NADK: variants seen among roughly 807,000 people sequenced by gnomAD.
NADK encodes the protein NAD kinase, also known as poly(P)/ATP NAD kinase.
NADK carries 22 observed loss-of-function variants against 49.8 expected under a neutral mutation model. That is an observed-to-expected ratio of 0.44 (90% CI 0.32 to 0.63). NADK has a LOEUF of 0.63. NADK is among the 30% of genes least tolerant of loss of function. The pLI, the probability that NADK is intolerant of heterozygous loss-of-function variation, is 0.06. For synonymous variants in NADK, 268 were observed against 253.7 expected (o/e 1.06, Z -0.54); for missense variants, 438 against 609.4 (o/e 0.72, Z 2.96).
intron 3 of NADK, chr1:1,759,656 A>G: frequency 6.9e-7 from 1 of 1,452,030 alleles, no homozygotes; most frequent in Non-Finnish European, 9.3e-7. Context: ...TCCCAGAGAC[A>G]CAGAGCCCAG....
chr1:1,755,855 A>G (rs1645502563), intron 6 of NADK: 1 of 434,196 alleles, frequency 2.3e-6, no homozygotes, highest in Non-Finnish European at 4.2e-6. Context: ...GGTGTCACCA[A>G]CATGCAGTGG....
At position 1,752,811 on chromosome 1, in the gene NADK, G is replaced by C. The variant is rs914247926; in HGVS notation, c.*93C>G. ...ACAGAAAGGAAGTGGCCGTGCCACTGAGACAGGCGGTCACAGACACACGCA... is the reference window on the plus strand; with the variant it reads ...ACAGAAAGGAAGTGGCCGTGCCACTCAGACAGGCGGTCACAGACACACGCA... On this transcript the variant is annotated 3_prime_UTR_variant, in exon 12 of 12. Transcript: ENST00000341426. 4 of 1,450,884 alleles carry C rather than the reference G, an allele frequency of 2.8e-6. No individual in the cohort carries two copies. In the African/African-American group the frequency reaches 5.6e-5, roughly 20 times the overall value. 89.9% of individuals were successfully genotyped at this position (1,450,884 alleles called of 1,614,324 possible).
chr1:1,754,225 C>G lies in NADK; in HGVS notation c.944-17G>C, dbSNP rs762151787. The stretch of plus-strand genomic sequence containing the variant: ...CGATCACTCCTGACAGGGACAGGCG[C>G]AGGCGTCACTCCCGCCCGAGGGACG... On this transcript the variant is annotated splice_polypyrimidine_tract_variant and intron_variant, in intron 9 of 11. Transcript: ENST00000341426. This position sits in a 1 kb window ranked among gnomAD's most constrained non-coding sequence, Gnocchi z 4.3. 3.7e-6 allele frequency: 6 copies of G among 1,613,050 alleles called. No homozygotes were observed. Among genetic ancestry groups the G allele is most frequent in the Non-Finnish European group, 4.2e-6 (5 of 1,179,878 alleles).
intron 1 of NADK, among the ~76,000 whole-genome samples, chr1:1,771,106 A>AAAAAAAAT (rs1646039721): frequency 1.4e-5 from 2 of 147,896 alleles, no homozygotes; most frequent in Non-Finnish European, 3.0e-5. Flanking sequence ...TATTAAAAAT[A>AAAAAAAAT]TATATCTTAT....
chr1:1,765,566 C>T, intron 1 of NADK, 120 bp from the exon 2 acceptor site: 1 of 496,422 alleles, frequency 2.0e-6, no homozygotes, highest in Non-Finnish European at 3.4e-6. Context: ...GTCCAATTTA[C>T]CAAAGTACTT....
rs557636328 is a variant in NADK, at chr1:1,763,297, CA to C, written c.180-1263del. 8.5e-5 allele frequency among the ~76,000 whole-genome samples: 13 copies of C among 152,242 alleles called. No individual in the cohort carries two copies. The East Asian group carries it at 2.3e-3, about 27-fold the overall frequency. On this transcript the variant is annotated intron_variant, in intron 2 of 11. Coordinates refer to ENST00000341426, the MANE Select transcript of NADK (RefSeq NM_023018.5). ...AGGAGATTGAGACCATCCTGGCTAA[CA>C]CGGTGAAACCCTGTCTCTACACAAA...
chr1:1,769,986 CAAA>C (rs1645999938), intron 1 of NADK, among the ~76,000 whole-genome samples: 1 of 146,320 alleles, frequency 6.8e-6, no homozygotes, highest in African/African-American at 2.7e-5. Context: ...AAAACAAAAA[CAAA>C]AACAAAAACA....
rs575404290 is a variant in NADK at position 1,776,767 on chromosome 1, T to C, written c.-41+1522A>G. Among the ~76,000 whole-genome samples the C allele has an allele frequency of 2.3e-4, 25 of 109,950 alleles. No individual in the cohort carries two copies. The East Asian group carries it at 5.5e-3, about 24-fold the overall frequency. 72.1% of individuals were successfully genotyped at this position (109,950 alleles called of 152,430 possible). On this transcript the variant is annotated intron_variant, in intron 1 of 11. Coordinates refer to ENST00000341426, the MANE Select transcript of NADK (RefSeq NM_023018.5). The stretch of plus-strand genomic sequence containing the variant: ...CAGCCTGGGCAACAGAGCTAGACTC[T>C]GTCTTAAAAAAAAAAAAAAAAAAAA...
At chr1:1,757,009 G>A in intron 4 of NADK, 172 bp downstream of exon 4, 1 of 1,077,248 alleles carries the variant, frequency 9.3e-7, no homozygotes, top group Non-Finnish European at 1.4e-6. Context: ...TGCCATGGCG[G>A]CACACACAAA....
At chr1:1,757,007 C>T (rs1000515545) in intron 4 of NADK, 174 bp downstream of exon 4, 75 of 1,059,668 alleles carry the variant, frequency 7.1e-5, no homozygotes, top group African/African-American at 5.7e-4. Context: ...CTTGCCATGG[C>T]GGCACACACA....
At chr1:1,775,945 G>A (rs1646197652) in intron 1 of NADK, among the ~76,000 whole-genome samples, 4 of 152,178 alleles carry the variant, frequency 2.6e-5, no homozygotes, top group Admixed American at 2.6e-4. Flanking sequence ...AACGGCTGAA[G>A]CTGGGCGGTG....
intron 3 of NADK, chr1:1,758,258 C>T: frequency 8.3e-6 from 11 of 1,326,898 alleles, no homozygotes; most frequent in Non-Finnish European, 1.1e-5. Context: ...AGGAGTGTGA[C>T]CGTCCCACTA....
rs1645582913 is a variant in NADK, at chr1:1,757,954, C to T, written c.264-644G>A. Among the ~76,000 whole-genome samples, 3 of 152,206 alleles carry T rather than the reference C, an allele frequency of 2.0e-5. No individual in the cohort carries two copies. In the South Asian group the frequency reaches 6.2e-4, roughly 31 times the overall value. On this transcript the variant is annotated intron_variant, in intron 3 of 11. Transcript: ENST00000341426. ...CGCGCTTTGCTGGCTCTGACCCCGA[C>T]CACTGTGCCCGGTGTTTCTCCACAG... is the stretch of plus-strand genomic sequence containing the variant.
In NADK at chr1:1,755,957, G is replaced by A. The variant is rs192941195; in HGVS notation, c.585+301C>T. 17 of 529,106 alleles carry A rather than the reference G, an allele frequency of 3.2e-5. No homozygotes were observed. In the Admixed American group the frequency reaches 4.7e-4, roughly 15 times the overall value. 32.8% of individuals were successfully genotyped at this position (529,106 alleles called of 1,614,324 possible). On this transcript the variant is annotated intron_variant, in intron 6 of 11. Transcript: ENST00000341426. Reference sequence around the variant, plus strand: ...TGAGAAACCAGGAAGAGGAGCTCAAGGGAGGCCCAGAGGGGATGGGCCAGT... The same window carrying A: ...TGAGAAACCAGGAAGAGGAGCTCAAAGGAGGCCCAGAGGGGATGGGCCAGT...
At chr1:1,766,885 T>C (rs1158635324) in intron 1 of NADK, among the ~76,000 whole-genome samples, 1 of 151,702 alleles carries the variant, frequency 6.6e-6, no homozygotes, top group African/African-American at 2.4e-5. Context: ...GCTAGGATTA[T>C]AGGCATGAGC....
chr1:1,762,970 G>A (rs894722874), intron 2 of NADK, among the ~76,000 whole-genome samples: 2 of 152,172 alleles, frequency 1.3e-5, no homozygotes, highest in African/African-American at 4.8e-5. Flanking sequence ...CTAGGTGCCC[G>A]GGAGCCTCCC....
rs1204790545 is a variant in NADK at position 1,755,956 on chromosome 1, A to AG, written c.585+301dup. On this transcript the variant is annotated intron_variant, in intron 6 of 11. Transcript: ENST00000341426. ...CTGAGAAACCAGGAAGAGGAGCTCAAGGGAGGCCCAGAGGGGATGGGCCAG... is the reference window on the plus strand; with the variant it reads ...CTGAGAAACCAGGAAGAGGAGCTCAAGGGGAGGCCCAGAGGGGATGGGCCAG... 1.5e-5 allele frequency: 8 copies of AG among 525,602 alleles called. No homozygotes were observed. The East Asian group carries it at 1.6e-4, about 11-fold the overall frequency. 32.6% of individuals were successfully genotyped at this position (525,602 alleles called of 1,614,324 possible). A position where few individuals can be genotyped will look rare whatever the true frequency, so the allele number is the denominator to read the frequency against.
chr1:1,768,373 A>ACAAAACAAAAACAAAAACAAAAC (rs1557857606), intron 1 of NADK, among the ~76,000 whole-genome samples: 2 of 152,060 alleles, frequency 1.3e-5, no homozygotes, highest in Non-Finnish European at 2.9e-5. Flanking sequence ...TTCTGTCTCT[A>ACAAAACAAAAACAAAAACAAAAC]CAAAACAAAA....
In NADK at chr1:1,778,064, C is replaced by G. The variant is rs1172647060; in HGVS notation, c.-41+225G>C. 6.6e-6 allele frequency among the ~76,000 whole-genome samples: 1 copy of G among 152,200 alleles called. No homozygotes were observed. Among genetic ancestry groups the G allele is most frequent in the Non-Finnish European group, 1.5e-5 (1 of 68,036 alleles). Reference sequence around the variant, plus strand: ...CGCCCGGGAGAGCCAGGCCGGACAGCGGCCTCCCTCAGACCCGTCCCCAAG... The same window carrying G: ...CGCCCGGGAGAGCCAGGCCGGACAGGGGCCTCCCTCAGACCCGTCCCCAAG... On this transcript the variant is annotated intron_variant, in intron 1 of 11. Coordinates refer to ENST00000341426, the MANE Select transcript of NADK (RefSeq NM_023018.5). This position sits in a 1 kb window ranked among gnomAD's most constrained non-coding sequence, Gnocchi z 4.9.
Sources: gnomAD v4.1 joint callset for allele counts (sites outside exome capture counted in the v4.1 genomes callset) on GRCh38, gnomAD v4.1.1 for gene constraint, Gnocchi (gnomAD v3.1) non-coding constraint, MANE v1.5 for transcripts, NCBI Gene and HGNC (gene_info 2026-07-23, HGNC 2026-07-21) for gene names.